Variants in PPP4R1 observed in about 807,000 individuals in gnomAD.
PPP4R1 encodes the protein protein phosphatase 4 regulatory subunit 1.
PPP4R1 carries 42 observed loss-of-function variants against 111.2 expected under a neutral mutation model. The observed-to-expected ratio is 0.38, with a 90% confidence interval of 0.29 to 0.49. The LOEUF (loss-of-function observed/expected upper bound fraction) is 0.49. PPP4R1 is among the 20% of genes least tolerant of loss of function. The pLI, the probability that PPP4R1 is intolerant of heterozygous loss-of-function variation, is 0.97. For missense variants in PPP4R1, 1,012 were observed against 1,161.6 expected, an observed-to-expected ratio of 0.87 and a Z score of 1.87; for synonymous variants, 409 against 405.5, an observed-to-expected ratio of 1.01 and a Z score of -0.10.
intron 16 of PPP4R1, among the ~76,000 whole-genome samples, chr18:9,552,153 G>A (rs2066499609): frequency 6.6e-6 from 1 of 152,154 alleles, no homozygotes; most frequent in Admixed American, 6.5e-5. Flanking sequence ...AAATGCAGGT[G>A]AGGTCTATAA....
intron 10 of PPP4R1, among the ~76,000 whole-genome samples, chr18:9,574,742 C>T (rs1410877101): frequency 6.6e-6 from 1 of 152,092 alleles, no homozygotes; most frequent in East Asian, 1.9e-4. Context: ...CTCATTACAG[C>T]GCTACTGATG....
At position 9,570,386 on chromosome 18, in the gene PPP4R1, T is replaced by C; in HGVS notation, c.1344A>G (p.Leu448=). 1 of 1,613,854 alleles carries C rather than the reference T, an allele frequency of 6.2e-7. No individual in the cohort carries two copies. The highest frequency in any genetic ancestry group is 8.5e-7 in the Non-Finnish European group (1 of 1,179,908). The change falls in exon 11 of 20, where the codon TTA becomes TTG. Residue 448 remains leucine (L), a synonymous_variant. Transcript: ENST00000400556. ...GGAAGGAGTTATACAATTCCTGATC[T>C]AAGAGAGCTGAATCTTGTGAAGTGG... ...VGTTSQDSAL[L]DQELYNSFHF...
At chr18:9,583,298 T>C (rs781251873) in intron 8 of PPP4R1, 23 bp from the exon 9 acceptor site, 2 of 1,508,548 alleles carry the variant, frequency 1.3e-6, no homozygotes, top group East Asian at 2.4e-5. Flanking sequence ...GAAAGAGTCT[T>C]GTTAGTTGGA....
intron 9 of PPP4R1, 29 bp downstream of exon 9, chr18:9,583,088 T>A (rs773170990): frequency 1.3e-6 from 2 of 1,553,860 alleles, no homozygotes; most frequent in African/African-American, 1.4e-5. Context: ...AAATGTATTA[T>A]TTTACAAAAG....
chr18:9,573,593 T>G (rs2066894678), intron 10 of PPP4R1, among the ~76,000 whole-genome samples: 1 of 152,154 alleles, frequency 6.6e-6, no homozygotes. Flanking sequence ...AATGAACTTC[T>G]GTTTTGTTTA....
In PPP4R1 at chr18:9,547,582, G is replaced by T. The variant is rs985013559; in HGVS notation, c.*207C>A. 3 of 490,104 alleles carry T rather than the reference G, an allele frequency of 6.1e-6. No individual in the cohort carries two copies. Among genetic ancestry groups the T allele is most frequent in the Non-Finnish European group, 1.1e-5 (3 of 276,180 alleles). The allele number at this position is 490,104 out of a possible 1,614,324, so 30.4% of individuals were successfully genotyped here. On this transcript the variant is annotated 3_prime_UTR_variant, in exon 20 of 20. Coordinates refer to ENST00000400556, the MANE Select transcript of PPP4R1 (RefSeq NM_001042388.3). ...CTCTGAGAAATTATTTCCCCTTAAA[G>T]TCAAGATAAGATAATAGTGTTTACT... is the stretch of plus-strand genomic sequence containing the variant.
Position 9,547,850 on chromosome 18 carries a change from A to C in PPP4R1, c.2792T>G (p.Ile931Ser). The change falls in exon 20 of 20, where the codon ATC becomes AGC. Residue 931 changes from isoleucine (I) to serine (S), a missense_variant. By Grantham distance (142) the Ile-to-Ser change is moderately radical. Transcript: ENST00000400556. ...RDSDVKYFAS[I>S]HPASTKISED... Reference sequence around the variant, plus strand: ...GGAGATTTTGGTACTGGCAGGGTGGATGCTTGCAAAATACTTGACATCGCT... The same window carrying C: ...GGAGATTTTGGTACTGGCAGGGTGGCTGCTTGCAAAATACTTGACATCGCT... 1 of 1,613,620 alleles carries C rather than the reference A, an allele frequency of 6.2e-7. No individual in the cohort carries two copies. Among genetic ancestry groups the C allele is most frequent in the East Asian group, 2.2e-5 (1 of 44,882 alleles).
chr18:9,585,616 C>G (rs559771345), intron 6 of PPP4R1, among the ~76,000 whole-genome samples: 2 of 152,184 alleles, frequency 1.3e-5, no homozygotes, highest in Non-Finnish European at 2.9e-5. Context: ...TATTCAAATA[C>G]GACATGGTTG....
intron 14 of PPP4R1, among the ~76,000 whole-genome samples, chr18:9,558,885 T>G (rs755214959): frequency 6.6e-6 from 1 of 152,078 alleles, no homozygotes; most frequent in African/African-American, 2.4e-5. Flanking sequence ...AGGGTTTACC[T>G]TGTGTGTTCT....
Position 9,598,859 on chromosome 18 carries a change from T to TAA in PPP4R1, c.53-3708_53-3707dup, listed in dbSNP as rs35624023. ...GGGCAATATAGTAAAACCTTGCCTC[T>TAA]AAAAAAAAATACAAAAATTAGCTGG... On this transcript the variant is annotated intron_variant, in intron 2 of 19. Coordinates refer to ENST00000400556, the MANE Select transcript of PPP4R1 (RefSeq NM_001042388.3). Among the ~76,000 whole-genome samples the TAA allele has an allele frequency of 5.4e-4, 81 of 151,054 alleles. 1 individual carries two copies. Among genetic ancestry groups the TAA allele is most frequent in the Admixed American group, 1.6e-3 (24 of 15,146 alleles).
chr18:9,567,695 A>G (rs1274669735), intron 11 of PPP4R1, among the ~76,000 whole-genome samples: 1 of 152,204 alleles, frequency 6.6e-6, no homozygotes, highest in Non-Finnish European at 1.5e-5. Flanking sequence ...ACTGACTCTA[A>G]TTTTTAAAGA....
chr18:9,617,087 T>C (rs1218070816), upstream of PPP4R1: 1 of 152,224 alleles, frequency 6.6e-6, no homozygotes, highest in Non-Finnish European at 1.5e-5. Flanking sequence ...AAATAATATT[T>C]AAACAAATAA....
chr18:9,549,434 A>AT, intron 18 of PPP4R1, 96 bp from the exon 19 acceptor site: 1 of 1,443,612 alleles, frequency 6.9e-7, no homozygotes. Context: ...ACAGGTACAA[A>AT]TTTTAGTTAT....
At chr18:9,561,008 A>T (rs2066665119) in intron 13 of PPP4R1, among the ~76,000 whole-genome samples, 1 of 152,102 alleles carries the variant, frequency 6.6e-6, no homozygotes, top group Non-Finnish European at 1.5e-5. Flanking sequence ...ACTTGAGGTC[A>T]GGAGTTCATG....
chr18:9,556,217 G>A (rs186134327), intron 15 of PPP4R1, among the ~76,000 whole-genome samples: 183 of 150,564 alleles, frequency 1.2e-3, no homozygotes, highest in Non-Finnish European at 1.9e-3. Context: ...TTTTTGAGAT[G>A]GAGTCTTGCT....
intron 2 of PPP4R1, among the ~76,000 whole-genome samples, chr18:9,600,983 A>G (rs1320087232): frequency 6.6e-6 from 1 of 152,060 alleles, no homozygotes; most frequent in Non-Finnish European, 1.5e-5. Flanking sequence ...GTACTTCAAG[A>G]CTCTTGAATT....
At chr18:9,601,219 GAA>G (rs1167894771) in intron 2 of PPP4R1, among the ~76,000 whole-genome samples, 4 of 140,850 alleles carry the variant, frequency 2.8e-5, no homozygotes, top group South Asian at 2.2e-4. Flanking sequence ...TTTTTTTGGG[GAA>G]AAAAAAAAAA....
At chr18:9,615,678 A>C (rs979017200), upstream of PPP4R1, among the ~76,000 whole-genome samples, 1 of 152,200 alleles carries the variant, frequency 6.6e-6, no homozygotes, top group East Asian at 1.9e-4. Flanking sequence ...GTTCTCCTAA[A>C]GTGACCAACA....
intron 14 of PPP4R1, 77 bp downstream of exon 14, chr18:9,559,342 A>G: frequency 7.5e-7 from 1 of 1,329,986 alleles, no homozygotes; most frequent in Non-Finnish European, 1.0e-6. Flanking sequence ...ATGAACAGAA[A>G]TTCTTTAGGT....
Sources: allele counts gnomAD v4.1 joint callset (sites outside exome capture counted in the v4.1 genomes callset), GRCh38; gene constraint gnomAD v4.1.1; transcripts MANE v1.5; gene names NCBI Gene and HGNC (gene_info 2026-07-23, HGNC 2026-07-21).